The following CDH2 variants were observed in gnomAD, a reference collection of about 807,000 sequenced individuals.
CDH2 encodes cadherin 2.
Under a neutral mutation model 92.0 loss-of-function variants are expected in CDH2, and 17 were observed. That is an observed-to-expected ratio of 0.18 (90% CI 0.13 to 0.28). CDH2 has a LOEUF of 0.28. Among genes scored for constraint, CDH2 ranks in the 10% least tolerant of loss-of-function variants. The probability of loss-of-function intolerance (pLI) is 1.00; values close to 1 mark genes in which losing one functional copy is unlikely to be tolerated. For missense variants in CDH2, 862 were observed against 1,133.1 expected (o/e 0.76, Z 3.44); for synonymous variants, 419 against 415.9 (o/e 1.01, Z -0.09).
At chr18:27,945,555 G>GA (rs1426060884) in intron 6 of CDH2, among the ~76,000 whole-genome samples, 1 of 151,800 alleles carries the variant, frequency 6.6e-6, no homozygotes, top group African/African-American at 2.4e-5. Flanking sequence ...CCCCAGTAAG[G>GA]AAAAAACTTT....
At chr18:28,099,084 G>A (rs2015185813) in intron 2 of CDH2, among the ~76,000 whole-genome samples, 2 of 151,984 alleles carry the variant, frequency 1.3e-5, no homozygotes, top group African/African-American at 4.8e-5. Flanking sequence ...CTGTTTCAAG[G>A]TAAATTTATC....
At chr18:28,030,796 T>C (rs2013675372) in intron 2 of CDH2, among the ~76,000 whole-genome samples, 1 of 151,886 alleles carries the variant, frequency 6.6e-6, no homozygotes, top group African/African-American at 2.4e-5. Context: ...TCCCAAATTA[T>C]TACACATAAA....
chr18:28,171,154 C>T (rs1047835337), intron 1 of CDH2, among the ~76,000 whole-genome samples: 8 of 150,518 alleles, frequency 5.3e-5, no homozygotes, highest in Non-Finnish European at 1.0e-4. Flanking sequence ...TCCTTGAGCC[C>T]GGGAGACGGA....
intron 1 of CDH2, among the ~76,000 whole-genome samples, chr18:28,166,501 T>C (rs547326503): frequency 1.2e-4 from 19 of 152,158 alleles, no homozygotes; most frequent in African/African-American, 4.1e-4. Context: ...GGTTATGATA[T>C]TCTCCCCAAA....
At chr18:27,987,745 A>G (rs1162251846) in intron 11 of CDH2, among the ~76,000 whole-genome samples, 1 of 152,212 alleles carries the variant, frequency 6.6e-6, no homozygotes, top group Non-Finnish European at 1.5e-5. Context: ...TTTAGTTAAA[A>G]CACTGAGTTA....
At chr18:28,176,906 C>G (rs866932700) in intron 1 of CDH2, 57 bp downstream of exon 1, 2 of 1,069,260 alleles carry the variant, frequency 1.9e-6, no homozygotes, top group Admixed American at 9.6e-5. Flanking sequence ...AACAAAGGGA[C>G]CCGGCGCCGC....
chr18:28,140,966 C>T (rs996481102), intron 2 of CDH2, among the ~76,000 whole-genome samples: 48 of 150,778 alleles, frequency 3.2e-4, no homozygotes, highest in African/African-American at 1.1e-3. Context: ...AATCAAACCA[C>T]AATGAGGTAC....
intron 2 of CDH2, among the ~76,000 whole-genome samples, chr18:28,070,906 A>G (rs2014605280): frequency 1.3e-5 from 2 of 151,976 alleles, no homozygotes; most frequent in Non-Finnish European, 2.9e-5. Context: ...TTTAGGAGAC[A>G]TTCTGTTTTT....
At chr18:28,037,481 T>G (rs2013858222) in intron 2 of CDH2, among the ~76,000 whole-genome samples, 1 of 152,144 alleles carries the variant, frequency 6.6e-6, no homozygotes, top group African/African-American at 2.4e-5. Flanking sequence ...AGCATAAGAA[T>G]ATTGTGGGAA....
At chr18:28,174,554 T>C (rs1358416465) in intron 1 of CDH2, among the ~76,000 whole-genome samples, 1 of 152,204 alleles carries the variant, frequency 6.6e-6, no homozygotes, top group African/African-American at 2.4e-5. Context: ...TCCTGAAGGT[T>C]TAAAAAAGTC....
At chr18:28,046,621 A>T (rs1213828059) in intron 2 of CDH2, among the ~76,000 whole-genome samples, 2 of 152,204 alleles carry the variant, frequency 1.3e-5, no homozygotes, top group Admixed American at 1.3e-4. Context: ...CATCCTGTGT[A>T]ACAAGTCTTC....
intron 2 of CDH2, among the ~76,000 whole-genome samples, chr18:28,073,884 G>A (rs908989533): frequency 1.3e-5 from 2 of 152,082 alleles, no homozygotes; most frequent in African/African-American, 4.8e-5. Context: ...TGCTCCTGGG[G>A]TTGCTGCAAG....
chr18:28,161,166 G>A (rs573447914), intron 1 of CDH2, among the ~76,000 whole-genome samples: 2 of 152,260 alleles, frequency 1.3e-5, no homozygotes, highest in South Asian at 4.2e-4. Context: ...TGTGTTCTTT[G>A]GAACACTGAG....
At chr18:28,001,498 C>A (rs1247870053) in intron 7 of CDH2, among the ~76,000 whole-genome samples, 6 of 152,066 alleles carry the variant, frequency 3.9e-5, no homozygotes, top group Non-Finnish European at 7.4e-5. Context: ...TGAAAATTAC[C>A]CCATATTCTC....
At chr18:28,126,181 T>C (rs2015674636) in intron 2 of CDH2, among the ~76,000 whole-genome samples, 2 of 152,082 alleles carry the variant, frequency 1.3e-5, no homozygotes, top group South Asian at 4.1e-4. Flanking sequence ...ATGAGAAAAA[T>C]GAACTACAGA....
At chr18:28,072,640 A>C (rs1262967834) in intron 2 of CDH2, among the ~76,000 whole-genome samples, 2 of 152,192 alleles carry the variant, frequency 1.3e-5, no homozygotes, top group African/African-American at 4.8e-5. Flanking sequence ...GAGACTAAAA[A>C]CCAACTAAAA....
intron 2 of CDH2, among the ~76,000 whole-genome samples, chr18:28,032,316 T>G (rs971358951): frequency 5.3e-5 from 8 of 152,080 alleles, no homozygotes; most frequent in Non-Finnish European, 1.2e-4. Context: ...CACAAAGAAA[T>G]TTGTGGGCTC....
At chr18:27,957,833 A>C (rs2011290966) in intron 15 of CDH2, among the ~76,000 whole-genome samples, 1 of 152,224 alleles carries the variant, frequency 6.6e-6, no homozygotes, top group South Asian at 2.1e-4. Context: ...GAACATATCA[A>C]GGCCAACATT....
intron 2 of CDH2, among the ~76,000 whole-genome samples, chr18:28,063,688 T>A (rs2014449711): frequency 6.6e-6 from 1 of 152,198 alleles, no homozygotes; most frequent in African/African-American, 2.4e-5. Context: ...GGTAATGATC[T>A]ACAGCAGGGT....
Sources: allele counts gnomAD v4.1 joint callset (sites outside exome capture counted in the v4.1 genomes callset), GRCh38; gene constraint gnomAD v4.1.1; transcripts MANE v1.5; gene names NCBI Gene and HGNC (gene_info 2026-07-23, HGNC 2026-07-21).